The following SYNE2 variants were observed in gnomAD, a reference collection of about 807,000 sequenced individuals.
The protein encoded by SYNE2 is nesprin-2.
SYNE2 carries 431 observed loss-of-function variants against 856.3 expected under a neutral mutation model. The ratio of observed to expected loss-of-function variants is 0.50; its 90% CI spans 0.47 to 0.55. The LOEUF is 0.55. Ranked by LOEUF, SYNE2 falls within the 20% of genes least tolerant of loss-of-function variation. SYNE2 has a pLI of 0.00. For missense variants in SYNE2, 8,129 were observed against 8,023.2 expected, an observed-to-expected ratio of 1.01 and a Z score of -0.50; for synonymous variants, 2,923 against 2,872.3, an observed-to-expected ratio of 1.02 and a Z score of -0.56.
At chr14:63,837,544 T>A (rs762404523) in intron 1 of SYNE2, among the ~76,000 whole-genome samples, 2 of 152,194 alleles carry the variant, frequency 1.3e-5, no homozygotes, top group African/African-American at 2.4e-5. Flanking sequence ...TAGTCATATG[T>A]CAGGTATGGG....
intron 1 of SYNE2, among the ~76,000 whole-genome samples, chr14:63,831,957 G>A (rs1192889900): frequency 6.6e-6 from 1 of 151,822 alleles, no homozygotes; most frequent in Non-Finnish European, 1.5e-5. Flanking sequence ...CAATATTCAA[G>A]AGACATTTTT....
intron 61 of SYNE2, 60 bp downstream of exon 61, chr14:64,093,540 A>G: frequency 6.2e-7 from 1 of 1,601,454 alleles, no homozygotes; most frequent in Admixed American, 1.7e-5. Context: ...TTTATTTAAT[A>G]CTTACTAAGC....
At position 63,924,832 on chromosome 14, in the gene SYNE2, G is replaced by GTTTTTTTTTTTTTTTTTTTTTT. The variant is rs1491139905; in HGVS notation, c.79+15606_79+15607insTTTTTTTTTTTTTTTTTTTTTT. Among the ~76,000 whole-genome samples, 138 of 92,846 alleles carry GTTTTTTTTTTTTTTTTTTTTTT rather than the reference G, an allele frequency of 1.5e-3. 46 individuals are homozygous for GTTTTTTTTTTTTTTTTTTTTTT. Among genetic ancestry groups the GTTTTTTTTTTTTTTTTTTTTTT allele is most frequent in the East Asian group, 3.0e-3 (8 of 2,646 alleles). The allele number at this position is 92,846 out of a possible 152,430, so 60.9% of individuals were successfully genotyped here. A position where few individuals can be genotyped will look rare whatever the true frequency, so the allele number is the denominator to read the frequency against. ...TTTAACTTTTTTCCTTCCAGCCTTGGTGTTTTTTTTTTTTTTTTTTTTTTT... is the reference window on the plus strand; with the variant it reads ...TTTAACTTTTTTCCTTCCAGCCTTGGTTTTTTTTTTTTTTTTTTTTTTTGTTTTTTTTTTTTTTTTTTTTTTT... On this transcript the variant is annotated intron_variant, in intron 2 of 115. Coordinates refer to ENST00000555002, the MANE Select transcript of SYNE2 (RefSeq NM_182914.3).
At chr14:64,089,295 G>A (rs543146540) in intron 58 of SYNE2, among the ~76,000 whole-genome samples, 32 of 147,110 alleles carry the variant, frequency 2.2e-4, no homozygotes, top group African/African-American at 5.0e-4. Context: ...GAACCTGGGA[G>A]GCGGAGGTTA....
intron 45 of SYNE2, among the ~76,000 whole-genome samples, chr14:64,033,793 T>C (rs1347992992): frequency 6.6e-6 from 1 of 152,220 alleles, no homozygotes; most frequent in Admixed American, 6.5e-5. Flanking sequence ...TTATTGATAG[T>C]TTATGATACT....
At chr14:64,106,751 A>G (rs183790773) in intron 64 of SYNE2, among the ~76,000 whole-genome samples, 1 of 152,284 alleles carries the variant, frequency 6.6e-6, no homozygotes, top group East Asian at 1.9e-4. Context: ...TTATTTTTTT[A>G]TGTAGTCAAT....
intron 1 of SYNE2, among the ~76,000 whole-genome samples, chr14:63,807,819 TTATATATATATA>T (rs71120288): frequency 0.035 from 900 of 25,466 alleles, 55 homozygotes; most frequent in African/African-American, 0.064. Context: ...TACTCCAGGC[TTATATATATATA>T]TATATATATA....
intron 45 of SYNE2, among the ~76,000 whole-genome samples, chr14:64,046,206 G>A (rs1190634045): frequency 6.6e-6 from 1 of 152,254 alleles, no homozygotes; most frequent in African/African-American, 2.4e-5. Flanking sequence ...AGTGAATGCA[G>A]ATGCATTGTC....
chr14:63,854,493 G>A (rs1891236481), intron 1 of SYNE2, among the ~76,000 whole-genome samples: 1 of 152,212 alleles, frequency 6.6e-6, no homozygotes, highest in Admixed American at 6.5e-5. Flanking sequence ...CTTTTCCTGA[G>A]ATAATTACTG....
At chr14:63,853,541 G>T (rs550881388) in intron 1 of SYNE2, among the ~76,000 whole-genome samples, 1 of 151,772 alleles carries the variant, frequency 6.6e-6, no homozygotes, top group East Asian at 1.9e-4. Flanking sequence ...CCCGGCCCTC[G>T]GGGGCCGCTG....
intron 99 of SYNE2, among the ~76,000 whole-genome samples, chr14:64,200,430 G>A (rs1178738348): frequency 2.0e-5 from 3 of 152,176 alleles, no homozygotes; most frequent in African/African-American, 7.2e-5. Flanking sequence ...ACTGCCTGGA[G>A]GACTCCTTGT....
intron 1 of SYNE2, among the ~76,000 whole-genome samples, chr14:63,887,903 C>A (rs968293894): frequency 2.6e-5 from 4 of 151,918 alleles, no homozygotes; most frequent in African/African-American, 9.7e-5. Context: ...CAGGAATGTG[C>A]CACCATGCCC....
intron 2 of SYNE2, among the ~76,000 whole-genome samples, chr14:63,934,073 G>C (rs2095799456): frequency 6.6e-6 from 1 of 152,200 alleles, no homozygotes; most frequent in Admixed American, 6.5e-5. Context: ...GGATGTCTTT[G>C]TTTGCCATTA....
At position 64,119,900 on chromosome 14, in the gene SYNE2, C is replaced by T. The variant is rs191004530; in HGVS notation, c.13023+291C>T. ...AGTGAGGTCTAGTGTAAGGCTTCTT[C>T]GTAAAAGAAGGATGTATTATAAAGG... On this transcript the variant is annotated intron_variant, in intron 67 of 115. Coordinates refer to ENST00000555002, the MANE Select transcript of SYNE2 (RefSeq NM_182914.3). Among the ~76,000 whole-genome samples the T allele has an allele frequency of 2.6e-3, 389 of 152,142 alleles. 1 individual carries two copies. Among genetic ancestry groups the T allele is most frequent in the African/African-American group, 9.0e-3 (373 of 41,484 alleles).
chr14:64,009,952 T>A lies in SYNE2; in HGVS notation c.4578-14T>A. On this transcript the variant is annotated splice_polypyrimidine_tract_variant and intron_variant, in intron 31 of 115. Transcript: ENST00000555002. Reference sequence around the variant, plus strand: ...TTTTGGACATTTAGCTATTGTATATTTTTCTATTCTTAGTCTTGAACAATG... The same window carrying A: ...TTTTGGACATTTAGCTATTGTATATATTTCTATTCTTAGTCTTGAACAATG... 6.2e-7 allele frequency: 1 copy of A among 1,611,152 alleles called. No homozygotes were observed. The highest frequency in any genetic ancestry group is 1.1e-5 in the South Asian group (1 of 90,902).
chr14:64,098,804 A>C lies in SYNE2; in HGVS notation c.12364A>C (p.Ser4122Arg), dbSNP rs751613168. ...LAAVEEEVEE[S>R]SVKSDNGDEK... ...AGCAGTCGAGGAAGAGGTGGAAGAA[A>C]GTTCCGTGAAGAGCGATGTAAGGGA... Residue 4122 changes from serine to arginine, a missense_variant, in exon 63 of 116, where the codon AGT (serine) becomes CGT (arginine). Ser to Arg is a moderately radical substitution (Grantham distance 110, BLOSUM62 -1). Transcript: ENST00000555002. 1 of 1,614,038 alleles carries C rather than the reference A, an allele frequency of 6.2e-7. No homozygotes were observed.
At chr14:63,940,070 ATTTTT>A (rs10666086) in intron 2 of SYNE2, among the ~76,000 whole-genome samples, 1 of 129,380 alleles carries the variant, frequency 7.7e-6, no homozygotes, top group Admixed American at 8.2e-5. Context: ...GTCTCAGTTC[ATTTTT>A]TTTTTTTTTT....
intron 99 of SYNE2, among the ~76,000 whole-genome samples, chr14:64,193,536 C>T (rs991613384): frequency 6.6e-6 from 1 of 151,116 alleles, no homozygotes. Flanking sequence ...GGTGACAGAG[C>T]GAACTCCGTC....
intron 7 of SYNE2, among the ~76,000 whole-genome samples, chr14:63,950,663 A>G (rs1180282497): frequency 6.6e-6 from 1 of 152,160 alleles, no homozygotes; most frequent in Non-Finnish European, 1.5e-5. Context: ...GAGACCAGAC[A>G]GTATGCATTC....
Sources: gnomAD v4.1 joint callset for allele counts (sites outside exome capture counted in the v4.1 genomes callset) on GRCh38, gnomAD v4.1.1 for gene constraint, MANE v1.5 for transcripts, NCBI Gene and HGNC (gene_info 2026-07-23, HGNC 2026-07-21) for gene names.